The following RIMS2 variants were observed in gnomAD, a reference collection of about 807,000 sequenced individuals.
The protein encoded by RIMS2 is regulating synaptic membrane exocytosis protein 2.
A neutral mutation model predicts 174.4 loss-of-function variants in RIMS2; 59 were observed. The observed-to-expected ratio is 0.34, with a 90% CI of 0.27 to 0.42. The LOEUF (loss-of-function observed/expected upper bound fraction) is 0.42, where lower values mean the gene tolerates loss of function less well. Among genes scored for constraint, RIMS2 ranks in the 10% least tolerant of loss-of-function variants. The pLI is 1.00. For missense variants in RIMS2, 1,620 were observed against 1,666.3 expected (o/e 0.97, Z 0.48); for synonymous variants, 606 against 572.5 (o/e 1.06, Z -0.84).
intron 14 of RIMS2, among the ~76,000 whole-genome samples, chr8:103,952,163 G>A (rs887712163): frequency 3.9e-5 from 6 of 152,238 alleles, no homozygotes; most frequent in South Asian, 2.1e-4. Context: ...GGGAAGGAGC[G>A]GTTGGGGGCG....
chr8:103,910,461 A>C, intron 5 of RIMS2: 1 of 1,597,782 alleles, frequency 6.3e-7, no homozygotes, highest in South Asian at 1.1e-5. Flanking sequence ...TGAACCTCAG[A>C]TTAAGGACTC....
chr8:104,014,177 A>G (rs1271580564), intron 18 of RIMS2, among the ~76,000 whole-genome samples: 2 of 152,180 alleles, frequency 1.3e-5, no homozygotes, highest in African/African-American at 4.8e-5. Context: ...TCTGGTAGAA[A>G]GAAAAGTACT....
chr8:103,983,909 C>T (rs1028508134), intron 16 of RIMS2, among the ~76,000 whole-genome samples: 1 of 152,116 alleles, frequency 6.6e-6, no homozygotes, highest in Non-Finnish European at 1.5e-5. Context: ...CACAGTGGCT[C>T]GCGCCTGTAA....
At chr8:103,739,983 A>G (rs1163093710) in intron 2 of RIMS2, among the ~76,000 whole-genome samples, 1 of 152,206 alleles carries the variant, frequency 6.6e-6, no homozygotes, top group Non-Finnish European at 1.5e-5. Context: ...TGGTGGAAAT[A>G]GATTAAGATG....
At chr8:104,130,503 A>C (rs1410778842) in intron 19 of RIMS2, among the ~76,000 whole-genome samples, 1 of 152,060 alleles carries the variant, frequency 6.6e-6, no homozygotes, top group Non-Finnish European at 1.5e-5. Context: ...ATGGAAGAGG[A>C]TTGGGGGACC....
intron 1 of RIMS2, among the ~76,000 whole-genome samples, chr8:103,641,215 T>C (rs1359770880): frequency 1.3e-5 from 2 of 152,168 alleles, no homozygotes; most frequent in African/African-American, 4.8e-5. Context: ...GACAATACAT[T>C]GCTTGGTGTT....
At chr8:103,941,247 G>A (rs545452106) in intron 13 of RIMS2, among the ~76,000 whole-genome samples, 54 of 152,088 alleles carry the variant, frequency 3.6e-4, no homozygotes, top group South Asian at 1.7e-3. Context: ...TTTGGGAAGC[G>A]GAGACAGGGG....
chr8:103,733,531 T>C (rs1351033801), intron 2 of RIMS2, among the ~76,000 whole-genome samples: 2 of 152,180 alleles, frequency 1.3e-5, no homozygotes, highest in Non-Finnish European at 2.9e-5. Flanking sequence ...CTTTCAAGTT[T>C]ATTTAGAACC....
chr8:104,232,246 C>G (rs1163046827), intron 19 of RIMS2, among the ~76,000 whole-genome samples: 2 of 152,200 alleles, frequency 1.3e-5, no homozygotes, highest in Non-Finnish European at 2.9e-5. Flanking sequence ...GCTATTAGAT[C>G]TGAAAGGGAC....
intron 19 of RIMS2, among the ~76,000 whole-genome samples, chr8:104,168,105 C>T (rs922301268): frequency 5.9e-5 from 9 of 152,012 alleles, no homozygotes; most frequent in African/African-American, 2.2e-4. Flanking sequence ...AATGTGATGC[C>T]TCCAGATTTG....
chr8:104,089,187 C>T (rs1479179496), intron 19 of RIMS2, among the ~76,000 whole-genome samples: 1 of 151,856 alleles, frequency 6.6e-6, no homozygotes, highest in Non-Finnish European at 1.5e-5. Flanking sequence ...CATTGTTCAT[C>T]CATCAGCTAT....
chr8:104,169,304 CTATA>C (rs751636552), intron 19 of RIMS2, among the ~76,000 whole-genome samples: 1,034 of 87,422 alleles, frequency 0.012, 12 homozygotes, highest in African/African-American at 0.042. Context: ...TTGTTGTTGG[CTATA>C]TATATATATA....
intron 14 of RIMS2, among the ~76,000 whole-genome samples, chr8:103,955,293 A>C: frequency 6.6e-6 from 1 of 152,160 alleles, no homozygotes; most frequent in East Asian, 1.9e-4. Flanking sequence ...CAGAGACACA[A>C]CAAAAAAAGA....
At chr8:104,070,082 T>G (rs2154561506) in intron 19 of RIMS2, among the ~76,000 whole-genome samples, 1 of 152,312 alleles carries the variant, frequency 6.6e-6, no homozygotes, top group South Asian at 2.1e-4. Context: ...CATCCCTTCA[T>G]AACCTCAAGA....
At chr8:103,510,815 G>A (rs9297333) in intron 1 of RIMS2, among the ~76,000 whole-genome samples, 27,679 of 152,036 alleles carry the variant, frequency 0.18, 2,768 homozygotes, top group African/African-American at 0.26. Context: ...TATCTGTAGA[G>A]TTCTTTTTGC....
chr8:104,073,741 C>G (rs1265179577), intron 19 of RIMS2, among the ~76,000 whole-genome samples: 1 of 152,136 alleles, frequency 6.6e-6, no homozygotes, highest in Non-Finnish European at 1.5e-5. Flanking sequence ...TTGTGCATGC[C>G]TGACCCTAGG....
At chr8:103,656,062 A>ATC (rs1229381604) in intron 1 of RIMS2, among the ~76,000 whole-genome samples, 1 of 152,280 alleles carries the variant, frequency 6.6e-6, no homozygotes, top group East Asian at 1.9e-4. Flanking sequence ...TACAGTGAAT[A>ATC]CAGTGAAGAT....
At chr8:104,039,876 C>T (rs2096580192) in intron 19 of RIMS2, among the ~76,000 whole-genome samples, 1 of 151,382 alleles carries the variant, frequency 6.6e-6, no homozygotes, top group African/African-American at 2.4e-5. Context: ...AGGGGTTAAT[C>T]CTGTTAGCAG....
intron 4 of RIMS2, among the ~76,000 whole-genome samples, chr8:103,893,150 T>C (rs1404802608): frequency 1.3e-5 from 2 of 152,086 alleles, no homozygotes; most frequent in Non-Finnish European, 2.9e-5. Flanking sequence ...TCATTATTTC[T>C]TTCAGCTAAA....
Sources: allele counts gnomAD v4.1 joint callset (sites outside exome capture counted in the v4.1 genomes callset), GRCh38; gene constraint gnomAD v4.1.1; transcripts MANE v1.5; gene names NCBI Gene and HGNC (gene_info 2026-07-23, HGNC 2026-07-21).